Variants in ASIC2 observed in about 807,000 individuals in gnomAD.
ASIC2 encodes acid-sensing ion channel 2.
In ASIC2, 25 loss-of-function variants were observed where a neutral mutation model predicts 57.3. The ratio of observed to expected loss-of-function variants is 0.44; its 90% CI spans 0.32 to 0.61. ASIC2 has a LOEUF of 0.61. Ranked by LOEUF, ASIC2 falls within the 20% of genes least tolerant of loss-of-function variation. ASIC2 has a pLI of 0.06. For missense variants in ASIC2, 641 were observed against 738.1 expected, an observed-to-expected ratio of 0.87 and a Z score of 1.52; for synonymous variants, 319 against 307.5, an observed-to-expected ratio of 1.04 and a Z score of -0.39.
At chr17:33,391,701 C>T (rs530838538) in intron 1 of ASIC2, among the ~76,000 whole-genome samples, 12 of 152,286 alleles carry the variant, frequency 7.9e-5, no homozygotes, top group African/African-American at 2.4e-4. Context: ...GCCTGTTGGG[C>T]GTGTTCACTG....
intron 1 of ASIC2, among the ~76,000 whole-genome samples, chr17:34,060,859 A>G (rs1908944981): frequency 6.6e-6 from 1 of 152,108 alleles, no homozygotes; most frequent in African/African-American, 2.4e-5. Flanking sequence ...ATGTTAAATG[A>G]CCAAACCTAA....
chr17:33,389,593 G>A (rs892074058), intron 1 of ASIC2, among the ~76,000 whole-genome samples: 3 of 152,152 alleles, frequency 2.0e-5, no homozygotes, highest in African/African-American at 7.2e-5. Flanking sequence ...GTGAGGCTGG[G>A]TAGGAAATTA....
At chr17:33,606,465 A>AC (rs1465897989) in intron 1 of ASIC2, among the ~76,000 whole-genome samples, 9 of 152,340 alleles carry the variant, frequency 5.9e-5, no homozygotes, top group African/African-American at 2.2e-4. Context: ...TACGGGCTCC[A>AC]CAGCAGTTCA....
chr17:33,461,880 A>G (rs1032172474), intron 1 of ASIC2, among the ~76,000 whole-genome samples: 1 of 152,212 alleles, frequency 6.6e-6, no homozygotes, highest in African/African-American at 2.4e-5. Flanking sequence ...CCCCAGTTCC[A>G]TTCACTTTGC....
chr17:33,462,967 C>T (rs1027452080), intron 1 of ASIC2, among the ~76,000 whole-genome samples: 10 of 152,202 alleles, frequency 6.6e-5, no homozygotes, highest in Non-Finnish European at 1.2e-4. Flanking sequence ...CACTTACTTC[C>T]TGCGGATCTC....
intron 1 of ASIC2, among the ~76,000 whole-genome samples, chr17:34,061,276 T>G (rs1908960567): frequency 6.6e-6 from 1 of 152,158 alleles, no homozygotes; most frequent in African/African-American, 2.4e-5. Flanking sequence ...AAAGATACAG[T>G]AATTTTCAGA....
intron 1 of ASIC2, among the ~76,000 whole-genome samples, chr17:33,277,673 C>T (rs917769413): frequency 5.3e-5 from 8 of 152,066 alleles, no homozygotes; most frequent in Admixed American, 3.9e-4. Context: ...TGCTAATTAC[C>T]CAGAATGGAA....
intron 1 of ASIC2, among the ~76,000 whole-genome samples, chr17:33,858,799 A>G (rs317343): frequency 0.15 from 22,523 of 152,246 alleles, 2,043 homozygotes; most frequent in Admixed American, 0.21. Context: ...TGTTGAAGGT[A>G]GTGCAACCAT....
At chr17:34,090,380 G>A (rs1910285248) in intron 1 of ASIC2, among the ~76,000 whole-genome samples, 1 of 151,852 alleles carries the variant, frequency 6.6e-6, no homozygotes, top group Non-Finnish European at 1.5e-5. Context: ...TGCAGACCTG[G>A]TGTTCTGATG....
At chr17:33,359,202 G>A (rs1908503172) in intron 1 of ASIC2, among the ~76,000 whole-genome samples, 1 of 152,188 alleles carries the variant, frequency 6.6e-6, no homozygotes, top group South Asian at 2.1e-4. Flanking sequence ...CTAATGGGAA[G>A]GCCAAAGAGA....
chr17:33,811,720 T>A (rs1688965377), intron 1 of ASIC2, among the ~76,000 whole-genome samples: 1 of 152,206 alleles, frequency 6.6e-6, no homozygotes, highest in Non-Finnish European at 1.5e-5. Flanking sequence ...TTCCATTTTG[T>A]TAATGAAGTA....
intron 1 of ASIC2, among the ~76,000 whole-genome samples, chr17:33,662,600 G>T (rs1204768945): frequency 3.3e-5 from 5 of 150,800 alleles, no homozygotes; most frequent in Admixed American, 6.6e-5. Context: ...TCCAGCCTGG[G>T]TGACAAAGCA....
Position 33,292,679 on chromosome 17 carries a change from C to G in ASIC2, c.-564G>C, listed in dbSNP as rs1412080086. On this transcript the variant is annotated 5_prime_UTR_variant, in exon 1 of 10. Coordinates refer to ENST00000225823, the MANE Select transcript of ASIC2 (RefSeq NM_183377.2). ...GAAGGCGCCAAGGAACGAGCGCCCCCAGAGGCGCACCGCGGCTCCTGGCTG... is the reference window on the plus strand; with the variant it reads ...GAAGGCGCCAAGGAACGAGCGCCCCGAGAGGCGCACCGCGGCTCCTGGCTG... 3.0e-6 allele frequency: 3 copies of G among 985,480 alleles called. No individual in the cohort carries two copies. Among genetic ancestry groups the G allele is most frequent in the African/African-American group, 1.7e-5 (1 of 57,254 alleles). The allele number at this position is 985,480 out of a possible 1,614,324, so 61.0% of individuals were successfully genotyped here. A position where few individuals can be genotyped will look rare whatever the true frequency, so the allele number is the denominator to read the frequency against.
At chr17:34,014,790 A>T (rs1906888866) in intron 1 of ASIC2, among the ~76,000 whole-genome samples, 3 of 152,194 alleles carry the variant, frequency 2.0e-5, no homozygotes, top group Admixed American at 2.0e-4. Context: ...AATGGGAACG[A>T]TGCATATAGA....
chr17:33,845,356 G>A (rs772864000), intron 1 of ASIC2, among the ~76,000 whole-genome samples: 21 of 152,136 alleles, frequency 1.4e-4, no homozygotes, highest in Non-Finnish European at 2.8e-4. Flanking sequence ...TGTTTTACGA[G>A]TAATATTACC....
At chr17:34,116,554 G>T (rs1329251894) in intron 1 of ASIC2, among the ~76,000 whole-genome samples, 1 of 152,096 alleles carries the variant, frequency 6.6e-6, no homozygotes, top group East Asian at 1.9e-4. Flanking sequence ...CTAGTCAGGG[G>T]GTGGCAGTCA....
chr17:33,506,195 C>A (rs1367785961), intron 1 of ASIC2, among the ~76,000 whole-genome samples: 1 of 147,464 alleles, frequency 6.8e-6, no homozygotes, highest in Non-Finnish European at 1.5e-5. Flanking sequence ...GAGATTGAGA[C>A]CATCCTGGCT....
intron 1 of ASIC2, among the ~76,000 whole-genome samples, chr17:33,818,635 T>A (rs1465873666): frequency 6.6e-6 from 1 of 152,210 alleles, no homozygotes; most frequent in Non-Finnish European, 1.5e-5. Flanking sequence ...TGGGTAGGGA[T>A]GCTGCTGAGC....
intron 1 of ASIC2, among the ~76,000 whole-genome samples, chr17:33,902,740 A>G (rs952417647): frequency 2.0e-5 from 3 of 152,338 alleles, no homozygotes; most frequent in Admixed American, 6.5e-5. Context: ...AGAGTCCACT[A>G]GGAACCCATG....
Sources: gnomAD v4.1 joint callset for allele counts (sites outside exome capture counted in the v4.1 genomes callset) on GRCh38, gnomAD v4.1.1 for gene constraint, MANE v1.5 for transcripts, NCBI Gene and HGNC (gene_info 2026-07-23, HGNC 2026-07-21) for gene names.